The following F13A1 variants were observed in gnomAD, a reference collection of about 807,000 sequenced individuals.
F13A1 encodes FSF, A subunit.
A neutral mutation model predicts 80.1 loss-of-function variants in F13A1; 47 were observed. The ratio of observed to expected loss-of-function variants is 0.59; its 90% CI spans 0.46 to 0.75. The LOEUF (loss-of-function observed/expected upper bound fraction) is 0.75, where lower values mean the gene tolerates loss of function less well. Ranked by LOEUF, F13A1 falls within the 30% of genes least tolerant of loss-of-function variation. The probability of loss-of-function intolerance (pLI) is 0.00; values close to 1 mark genes in which losing one functional copy is unlikely to be tolerated. For synonymous variants in F13A1, 349 were observed against 344.9 expected, an observed-to-expected ratio of 1.01 and a Z score of -0.13; for missense variants, 817 against 930.4, an observed-to-expected ratio of 0.88 and a Z score of 1.59.
intron 13 of F13A1, 105 bp from the exon 14 acceptor site, chr6:6,152,054 T>G (rs963097791): frequency 7.1e-7 from 1 of 1,413,536 alleles, no homozygotes; most frequent in Non-Finnish European, 9.8e-7. Flanking sequence ...TACAGTTATT[T>G]TTTTGGCAAT....
chr6:6,236,653 T>C (rs536057580), intron 6 of F13A1, among the ~76,000 whole-genome samples: 8 of 152,186 alleles, frequency 5.3e-5, no homozygotes, highest in Non-Finnish European at 1.2e-4. Flanking sequence ...TGAAATGACT[T>C]TTCTCTGTTA....
intron 4 of F13A1, among the ~76,000 whole-genome samples, chr6:6,264,829 C>T (rs1164063174): frequency 6.6e-6 from 1 of 152,184 alleles, no homozygotes; most frequent in Admixed American, 6.5e-5. Flanking sequence ...GCACATGGCC[C>T]AGTTAACATT....
chr6:6,204,778 G>T (rs1761457363), intron 8 of F13A1, among the ~76,000 whole-genome samples: 1 of 152,244 alleles, frequency 6.6e-6, no homozygotes. Context: ...CATGCTGCAG[G>T]AATCTTTGAT....
chr6:6,156,929 T>C (rs1432572455), intron 13 of F13A1, among the ~76,000 whole-genome samples: 2 of 152,186 alleles, frequency 1.3e-5, no homozygotes, highest in African/African-American at 2.4e-5. Context: ...TTCTATCAAC[T>C]CACTTAATCC....
chr6:6,185,243 T>C (rs1018697902), intron 10 of F13A1, among the ~76,000 whole-genome samples: 13 of 150,688 alleles, frequency 8.6e-5, no homozygotes, highest in East Asian at 4.0e-4. Flanking sequence ...ACTCGTCATC[T>C]AGCATTAGGT....
chr6:6,241,824 T>G (rs982413232), intron 6 of F13A1, among the ~76,000 whole-genome samples: 1 of 152,232 alleles, frequency 6.6e-6, no homozygotes, highest in Non-Finnish European at 1.5e-5. Flanking sequence ...TTGGGATGAC[T>G]CAGGTGTGAA....
chr6:6,147,691 C>T (rs140152570), intron 14 of F13A1, among the ~76,000 whole-genome samples: 1 of 152,244 alleles, frequency 6.6e-6, no homozygotes, highest in East Asian at 1.9e-4. Context: ...CAAATAGAAG[C>T]TAAGTATTTA....
intron 4 of F13A1, among the ~76,000 whole-genome samples, chr6:6,252,843 T>C (rs1313699486): frequency 6.6e-6 from 1 of 152,016 alleles, no homozygotes; most frequent in Non-Finnish European, 1.5e-5. Flanking sequence ...TTCAAAAGCT[T>C]ATCTGGAAAA....
At chr6:6,149,543 G>A (rs774011745) in intron 14 of F13A1, among the ~76,000 whole-genome samples, 1 of 152,180 alleles carries the variant, frequency 6.6e-6, no homozygotes, top group African/African-American at 2.4e-5. Context: ...CGAAGAAGAG[G>A]TGCCAGAGAA....
intron 3 of F13A1, among the ~76,000 whole-genome samples, chr6:6,268,842 C>T (rs1012941794): frequency 6.6e-6 from 1 of 151,978 alleles, no homozygotes; most frequent in East Asian, 1.9e-4. Flanking sequence ...GCACCCACCA[C>T]CATGCCTGGC....
At chr6:6,215,690 CAGG>C (rs879265930) in intron 8 of F13A1, among the ~76,000 whole-genome samples, 24 of 148,430 alleles carry the variant, frequency 1.6e-4, no homozygotes, top group Non-Finnish European at 2.8e-4. Context: ...GGCAATTAGG[CAGG>C]AGAAGGAAAT....
chr6:6,168,835 C>T (rs1760722161), intron 12 of F13A1, among the ~76,000 whole-genome samples: 1 of 152,158 alleles, frequency 6.6e-6, no homozygotes, highest in Admixed American at 6.5e-5. Context: ...CCCACTGGCT[C>T]GAAGGTGTGG....
chr6:6,253,228 C>T (rs1407206276), intron 4 of F13A1, among the ~76,000 whole-genome samples: 2 of 150,534 alleles, frequency 1.3e-5, no homozygotes, highest in Non-Finnish European at 3.0e-5. Flanking sequence ...GATTGAAGGA[C>T]TTGCCCAAAG....
At chr6:6,281,570 ATGTT>A (rs1281899652) in intron 3 of F13A1, among the ~76,000 whole-genome samples, 4 of 152,230 alleles carry the variant, frequency 2.6e-5, no homozygotes, top group African/African-American at 9.6e-5. Context: ...AAAATAATAA[ATGTT>A]TGTTGTTTTA....
At chr6:6,257,018 G>A (rs1757712651) in intron 4 of F13A1, among the ~76,000 whole-genome samples, 1 of 152,164 alleles carries the variant, frequency 6.6e-6, no homozygotes, top group South Asian at 2.1e-4. Context: ...CCTTCCAAAA[G>A]GCAAAATGAG....
At chr6:6,249,213 C>T (rs1159171095) in intron 5 of F13A1, among the ~76,000 whole-genome samples, 1 of 152,212 alleles carries the variant, frequency 6.6e-6, no homozygotes, top group South Asian at 2.1e-4. Flanking sequence ...TGACAGAAAC[C>T]ACAATCATAA....
At chr6:6,293,774 TGAGAGAGA>T (rs1382847233) in intron 3 of F13A1, among the ~76,000 whole-genome samples, 10 of 71,776 alleles carry the variant, frequency 1.4e-4, no homozygotes, top group Admixed American at 1.0e-3. Context: ...ATGGAGGGAG[TGAGAGAGA>T]GAGGGAGGGA....
At chr6:6,236,344 T>G (rs1400446979) in intron 6 of F13A1, among the ~76,000 whole-genome samples, 2 of 152,146 alleles carry the variant, frequency 1.3e-5, no homozygotes. Flanking sequence ...ACTTTTAAAT[T>G]AAACCAGCAT....
At position 6,210,180 on chromosome 6, in the gene F13A1, T is replaced by C. The variant is rs150353645; in HGVS notation, c.1112+11853A>G. ...GGGAGGTCAAGGCTGCAGTGAGTCA[T>C]GATCTTGCCATTGCAATCCAGCTTG... On this transcript the variant is annotated intron_variant, in intron 8 of 14. Coordinates refer to ENST00000264870, the MANE Select transcript of F13A1 (RefSeq NM_000129.4). 3.9e-3 allele frequency among the ~76,000 whole-genome samples: 590 copies of C among 151,654 alleles called. 3 individuals carry two copies. Among genetic ancestry groups the C allele is most frequent in the African/African-American group, 0.014 (564 of 41,352 alleles).
Sources: gnomAD v4.1 joint callset for allele counts (sites outside exome capture counted in the v4.1 genomes callset) on GRCh38, gnomAD v4.1.1 for gene constraint, MANE v1.5 for transcripts, NCBI Gene and HGNC (gene_info 2026-07-23, HGNC 2026-07-21) for gene names.